Variants in ESRRG observed in about 807,000 individuals in gnomAD.
ESRRG encodes the protein estrogen related receptor gamma, also known as estrogen-related receptor gamma.
ESRRG carries 13 observed loss-of-function variants against 44.0 expected under a neutral mutation model. That is an observed-to-expected ratio of 0.30 (90% CI 0.19 to 0.47). The LOEUF (loss-of-function observed/expected upper bound fraction) is 0.47, where lower values mean the gene tolerates loss of function less well. Among genes scored for constraint, ESRRG ranks in the 20% least tolerant of loss-of-function variants. The pLI is 1.00. For synonymous variants in ESRRG, 215 were observed against 214.6 expected (o/e 1.00, Z -0.02); for missense variants, 395 against 580.6 (o/e 0.68, Z 3.29).
intron 3 of ESRRG, among the ~76,000 whole-genome samples, chr1:216,619,004 G>A (rs1034581050): frequency 6.6e-6 from 1 of 152,334 alleles, no homozygotes; most frequent in African/African-American, 2.4e-5. Context: ...TGAGTCTCAT[G>A]AGTGGCAAAT....
At chr1:216,849,556 G>A (rs2095809843) in intron 2 of ESRRG, among the ~76,000 whole-genome samples, 1 of 152,050 alleles carries the variant, frequency 6.6e-6, no homozygotes, top group South Asian at 2.1e-4. Flanking sequence ...AAATGCCCTT[G>A]TTAGGTATTA....
At chr1:216,668,174 T>C (rs1319314364) in intron 2 of ESRRG, among the ~76,000 whole-genome samples, 2 of 152,196 alleles carry the variant, frequency 1.3e-5, no homozygotes, top group African/African-American at 4.8e-5. Flanking sequence ...TTCTTCCAGA[T>C]CACTGTGAAG....
intron 2 of ESRRG, among the ~76,000 whole-genome samples, chr1:216,834,306 C>T (rs149385421): frequency 6.6e-5 from 10 of 151,998 alleles, no homozygotes; most frequent in South Asian, 4.2e-4. Flanking sequence ...CAGGTTGAGG[C>T]GGGAAGATCA....
At chr1:217,031,042 A>G (rs1419305115) in intron 1 of ESRRG, among the ~76,000 whole-genome samples, 1 of 152,236 alleles carries the variant, frequency 6.6e-6, no homozygotes, top group Non-Finnish European at 1.5e-5. Context: ...CATGCTCTAA[A>G]GGAGAGTTTG....
intron 3 of ESRRG, among the ~76,000 whole-genome samples, chr1:216,592,266 G>A (rs1166880895): frequency 2.6e-5 from 4 of 152,146 alleles, no homozygotes; most frequent in African/African-American, 9.7e-5. Flanking sequence ...AGAATTTCCA[G>A]TAATCCTTTG....
chr1:216,609,869 T>C (rs2060400350), intron 3 of ESRRG, among the ~76,000 whole-genome samples: 1 of 152,228 alleles, frequency 6.6e-6, no homozygotes, highest in African/African-American at 2.4e-5. Context: ...TTCTATTTGG[T>C]GGTAGCTGTC....
At chr1:216,897,100 T>C (rs955216928) in intron 2 of ESRRG, among the ~76,000 whole-genome samples, 2 of 152,166 alleles carry the variant, frequency 1.3e-5, no homozygotes, top group African/African-American at 4.8e-5. Flanking sequence ...TTAAGTTCAT[T>C]GATCAGCCGT....
At chr1:216,547,363 C>T (rs2054863472) in intron 5 of ESRRG, among the ~76,000 whole-genome samples, 1 of 151,936 alleles carries the variant, frequency 6.6e-6, no homozygotes. Flanking sequence ...GGCAGATTTC[C>T]AGAGTTCAAT....
At chr1:216,707,228 A>T in intron 1 of ESRRG, 1 of 1,043,288 alleles carries the variant, frequency 9.6e-7, no homozygotes, top group Non-Finnish European at 1.4e-6. Flanking sequence ...CATGATCTTT[A>T]AAAGCATTTT....
intron 1 of ESRRG, among the ~76,000 whole-genome samples, chr1:217,129,454 G>T (rs114023158): frequency 3.3e-5 from 5 of 152,316 alleles, no homozygotes; most frequent in Non-Finnish European, 7.3e-5. Flanking sequence ...GGACCCAAGA[G>T]AGCAGAAAAC....
chr1:216,843,986 G>C (rs1452106008), intron 2 of ESRRG, among the ~76,000 whole-genome samples: 1 of 151,392 alleles, frequency 6.6e-6, no homozygotes, highest in African/African-American at 2.4e-5. Context: ...TTTACCTCAT[G>C]CACTGTTTGG....
At chr1:216,724,539 AT>A (rs1331754715), upstream of ESRRG, among the ~76,000 whole-genome samples, 1 of 152,142 alleles carries the variant, frequency 6.6e-6, no homozygotes, top group Non-Finnish European at 1.5e-5. Context: ...GTTTCTATAC[AT>A]AAGGCACCCT....
At chr1:216,704,482 A>G (rs2082072129) in intron 1 of ESRRG, among the ~76,000 whole-genome samples, 1 of 152,158 alleles carries the variant, frequency 6.6e-6, no homozygotes, top group South Asian at 2.1e-4. Flanking sequence ...ATGCCATTGC[A>G]CTCCAGCCTG....
At chr1:217,066,798 C>A (rs2089788973) in intron 1 of ESRRG, among the ~76,000 whole-genome samples, 1 of 152,056 alleles carries the variant, frequency 6.6e-6, no homozygotes, top group South Asian at 2.1e-4. Context: ...CTTAATAATC[C>A]CAAATCTCTC....
intron 2 of ESRRG, among the ~76,000 whole-genome samples, chr1:216,868,079 CTTTTTTTT>C (rs58738849): frequency 1.3e-5 from 1 of 78,358 alleles, no homozygotes; most frequent in Non-Finnish European, 2.2e-5. Flanking sequence ...TATATTGATC[CTTTTTTTT>C]TTTTTTTTTT....
intron 3 of ESRRG, among the ~76,000 whole-genome samples, chr1:216,641,042 C>A (rs937795423): frequency 8.5e-5 from 13 of 152,142 alleles, no homozygotes; most frequent in Non-Finnish European, 1.6e-4. Context: ...TAAATGCTGG[C>A]TTCCTAATTC....
At chr1:217,136,246 G>A (rs541261548) in intron 1 of ESRRG, among the ~76,000 whole-genome samples, 1 of 152,312 alleles carries the variant, frequency 6.6e-6, no homozygotes, top group African/African-American at 2.4e-5. Context: ...GGGAGGGAAA[G>A]GGAAAGCAAC....
intron 2 of ESRRG, among the ~76,000 whole-genome samples, chr1:216,888,943 A>G (rs572902038): frequency 3.3e-5 from 5 of 152,326 alleles, no homozygotes; most frequent in African/African-American, 9.6e-5. Flanking sequence ...TAGAAGAGTC[A>G]AGGAATGAAA....
chr1:216,884,484 C>T (rs1002752251), intron 2 of ESRRG, among the ~76,000 whole-genome samples: 1 of 152,000 alleles, frequency 6.6e-6, no homozygotes, highest in African/African-American at 2.4e-5. Flanking sequence ...AGTGGCTGCC[C>T]GAAACTTCCT....
Sources: gnomAD v4.1 joint callset for allele counts (sites outside exome capture counted in the v4.1 genomes callset) on GRCh38, gnomAD v4.1.1 for gene constraint, MANE v1.5 for transcripts, NCBI Gene and HGNC (gene_info 2026-07-23, HGNC 2026-07-21) for gene names.